Variants in PAM observed in about 807,000 individuals in gnomAD.
PAM encodes peptidylglycine alpha-amidating monooxygenase.
In PAM, 72 loss-of-function variants were observed where a neutral mutation model predicts 122.1. That is an observed-to-expected ratio of 0.59 (90% CI 0.49 to 0.72). PAM has a LOEUF of 0.72. Among genes scored for constraint, PAM ranks in the 30% least tolerant of loss-of-function variants. PAM has a pLI of 0.00. For missense variants in PAM, 1,106 were observed against 1,183.7 expected, an observed-to-expected ratio of 0.93 and a Z score of 0.96; for synonymous variants, 389 against 404.4, an observed-to-expected ratio of 0.96 and a Z score of 0.46.
chr5:102,913,812 C>T (rs775814780), intron 4 of PAM, 122 bp from the exon 5 acceptor site: 4 of 618,664 alleles, frequency 6.5e-6, no homozygotes, highest in Non-Finnish European at 1.2e-5. Flanking sequence ...GGCATTTGAT[C>T]ACAAGAACAT....
chr5:102,900,754 A>G (rs967343612), intron 3 of PAM, among the ~76,000 whole-genome samples: 1 of 151,632 alleles, frequency 6.6e-6, no homozygotes, highest in Non-Finnish European at 1.5e-5. Flanking sequence ...TATCACTAAA[A>G]TTTCTTGATG....
chr5:102,798,174 A>G (rs1447182644), intron 1 of PAM, among the ~76,000 whole-genome samples: 3 of 152,110 alleles, frequency 2.0e-5, no homozygotes, highest in African/African-American at 7.2e-5. Context: ...TCAAATTTGA[A>G]CTCAGTGGAA....
At chr5:102,900,554 T>C (rs1271228984) in intron 3 of PAM, among the ~76,000 whole-genome samples, 1 of 151,608 alleles carries the variant, frequency 6.6e-6, no homozygotes, top group Non-Finnish European at 1.5e-5. Context: ...AAATGATTTC[T>C]ATCCATGTTA....
chr5:102,912,334 A>G (rs866307041), intron 4 of PAM, among the ~76,000 whole-genome samples: 1 of 152,012 alleles, frequency 6.6e-6, no homozygotes, highest in African/African-American at 2.4e-5. Context: ...CAATTAGACA[A>G]CAGTTATAGA....
At chr5:102,896,673 A>G (rs1796306514) in intron 3 of PAM, among the ~76,000 whole-genome samples, 1 of 151,704 alleles carries the variant, frequency 6.6e-6, no homozygotes, top group African/African-American at 2.4e-5. Flanking sequence ...CTTCACTATG[A>G]CTGTTTCTTC....
intron 12 of PAM, among the ~76,000 whole-genome samples, chr5:102,951,727 T>A (rs1244393558): frequency 1.3e-5 from 2 of 152,140 alleles, no homozygotes; most frequent in African/African-American, 4.8e-5. Flanking sequence ...AATTTTTATG[T>A]CACTCTAAAT....
intron 1 of PAM, among the ~76,000 whole-genome samples, chr5:102,790,397 A>C (rs1052253198): frequency 6.6e-6 from 1 of 152,090 alleles, no homozygotes; most frequent in African/African-American, 2.4e-5. Context: ...ATAGATGCAC[A>C]AAGAGGTTTA....
At chr5:103,008,680 T>TTG (rs1399070303) in intron 20 of PAM, among the ~76,000 whole-genome samples, 1 of 152,062 alleles carries the variant, frequency 6.6e-6, no homozygotes, top group Non-Finnish European at 1.5e-5. Context: ...ACTCAGGTGA[T>TTG]TGATAGAGAG....
intron 3 of PAM, among the ~76,000 whole-genome samples, chr5:102,878,689 A>G (rs1789974366): frequency 6.6e-6 from 1 of 152,046 alleles, no homozygotes; most frequent in African/African-American, 2.4e-5. Context: ...GGCCTAGGCT[A>G]AAGTGTGTGT....
intron 14 of PAM, among the ~76,000 whole-genome samples, chr5:102,970,037 C>T (rs1004447319): frequency 2.0e-5 from 3 of 152,094 alleles, no homozygotes; most frequent in African/African-American, 7.2e-5. Flanking sequence ...AGGGAACTTT[C>T]AACAGGGCTA....
chr5:102,901,793 G>C (rs1367746298), intron 4 of PAM, among the ~76,000 whole-genome samples: 1 of 151,384 alleles, frequency 6.6e-6, no homozygotes, highest in Non-Finnish European at 1.5e-5. Context: ...AATCAACATT[G>C]GTGAATGTAA....
intron 3 of PAM, among the ~76,000 whole-genome samples, chr5:102,882,110 T>TATATATATATACACACAC (rs1561748160): frequency 9.6e-6 from 1 of 103,792 alleles, no homozygotes; most frequent in African/African-American, 3.9e-5. Context: ...TATATATATA[T>TATATATATATACACACAC]ACACCACATT....
chr5:102,876,086 C>T (rs1192841559), intron 3 of PAM, among the ~76,000 whole-genome samples: 1 of 152,188 alleles, frequency 6.6e-6, no homozygotes, highest in Non-Finnish European at 1.5e-5. Flanking sequence ...CTCCACCTCA[C>T]TAGATGGCAA....
chr5:102,908,640 C>T (rs1052089524), intron 4 of PAM, among the ~76,000 whole-genome samples: 2 of 151,214 alleles, frequency 1.3e-5, no homozygotes, highest in East Asian at 3.9e-4. Context: ...GTGGGTGCAG[C>T]GCACCAGCAT....
chr5:103,011,014 T>A (rs1185671761), intron 21 of PAM, among the ~76,000 whole-genome samples: 4 of 152,218 alleles, frequency 2.6e-5, no homozygotes, highest in Non-Finnish European at 5.9e-5. Flanking sequence ...TATCAAATAC[T>A]AGGTCTTATT....
At chr5:102,809,352 C>CAAAAAAAAAAAAAA (rs11302898) in intron 1 of PAM, among the ~76,000 whole-genome samples, 1 of 126,246 alleles carries the variant, frequency 7.9e-6, no homozygotes, top group African/African-American at 3.0e-5. Flanking sequence ...CTGTCTCTAC[C>CAAAAAAAAAAAAAA]AAAAAAAAAA....
intron 1 of PAM, among the ~76,000 whole-genome samples, chr5:102,845,722 C>G (rs1779789056): frequency 6.6e-6 from 1 of 152,104 alleles, no homozygotes; most frequent in Non-Finnish European, 1.5e-5. Context: ...TTTAGATGCC[C>G]TACGTTCAAA....
intron 3 of PAM, among the ~76,000 whole-genome samples, chr5:102,895,311 T>C (rs765036819): frequency 6.6e-6 from 1 of 151,836 alleles, no homozygotes; most frequent in Non-Finnish European, 1.5e-5. Flanking sequence ...CAGTAAAAAT[T>C]TAACATTTAT....
At chr5:102,793,918 T>C (rs924417997) in intron 1 of PAM, among the ~76,000 whole-genome samples, 2 of 152,178 alleles carry the variant, frequency 1.3e-5, no homozygotes, top group African/African-American at 4.8e-5. Context: ...TATCTGAGTA[T>C]TTTGGTTTAA....
Sources: gnomAD v4.1 joint callset for allele counts (sites outside exome capture counted in the v4.1 genomes callset) on GRCh38, gnomAD v4.1.1 for gene constraint, MANE v1.5 for transcripts, NCBI Gene and HGNC (gene_info 2026-07-23, HGNC 2026-07-21) for gene names.